The following IMMP2L variants were observed in gnomAD, a reference collection of about 807,000 sequenced individuals.
IMMP2L encodes the protein inner mitochondrial membrane peptidase subunit 2.
IMMP2L carries 18 observed loss-of-function variants against 19.3 expected under a neutral mutation model. The ratio of observed to expected loss-of-function variants is 0.93; its 90% CI spans 0.64 to 1.38. The LOEUF (loss-of-function observed/expected upper bound fraction) is 1.38. Ranked by LOEUF, IMMP2L falls within the 40% of genes most tolerant of loss-of-function variation. The pLI, the probability that IMMP2L is intolerant of heterozygous loss-of-function variation, is 0.00. For synonymous variants in IMMP2L, 76 were observed against 73.0 expected, an observed-to-expected ratio of 1.04 and a Z score of -0.21; for missense variants, 233 against 218.2, an observed-to-expected ratio of 1.07 and a Z score of -0.43.
At position 111,127,263 on chromosome 7, in the gene IMMP2L, T is replaced by G. The variant is rs143800993; in HGVS notation, c.240-163698A>C. Among the ~76,000 whole-genome samples, 43 of 152,246 alleles carry G rather than the reference T, an allele frequency of 2.8e-4. No individual in the cohort carries two copies. The East Asian group carries it at 7.9e-3, about 28-fold the overall frequency. Reference sequence around the variant, plus strand: ...AGAGCTCAGCTATTTGTCAAAAACATAGGAGCCAAAATACAACCTATTAGG... The same window carrying G: ...AGAGCTCAGCTATTTGTCAAAAACAGAGGAGCCAAAATACAACCTATTAGG... On this transcript the variant is annotated intron_variant, in intron 3 of 5. Transcript: ENST00000405709.
At chr7:110,753,499 A>AG (rs1357333067) in intron 5 of IMMP2L, among the ~76,000 whole-genome samples, 2 of 152,072 alleles carry the variant, frequency 1.3e-5, no homozygotes, top group Non-Finnish European at 2.9e-5. Flanking sequence ...TTGTGTATAA[A>AG]GAAGCTCACA....
At chr7:110,943,611 T>C (rs2129553271) in intron 4 of IMMP2L, among the ~76,000 whole-genome samples, 1 of 152,096 alleles carries the variant, frequency 6.6e-6, no homozygotes, top group East Asian at 1.9e-4. Flanking sequence ...GATAGCTTTA[T>C]TCCCTGCAGG....
At chr7:111,335,949 AG>A (rs1394150026) in intron 3 of IMMP2L, among the ~76,000 whole-genome samples, 1 of 152,138 alleles carries the variant, frequency 6.6e-6, no homozygotes, top group Non-Finnish European at 1.5e-5. Context: ...TTGGCTAAAA[AG>A]GGTAAGAACG....
intron 3 of IMMP2L, among the ~76,000 whole-genome samples, chr7:111,085,390 AC>A (rs1192901000): frequency 6.6e-6 from 1 of 152,206 alleles, no homozygotes; most frequent in Non-Finnish European, 1.5e-5. Context: ...CTTTTTCTCC[AC>A]AACCTCGTCA....
intron 3 of IMMP2L, among the ~76,000 whole-genome samples, chr7:111,081,222 A>T (rs931944694): frequency 6.6e-5 from 10 of 152,346 alleles, no homozygotes; most frequent in Middle Eastern, 3.4e-3. Context: ...TTGAGGAAGA[A>T]ATCTGCAAAA....
chr7:111,537,821 G>A (rs542146911), intron 1 of IMMP2L, among the ~76,000 whole-genome samples: 45 of 151,980 alleles, frequency 3.0e-4, no homozygotes, highest in Non-Finnish European at 5.6e-4. Context: ...ACCAGCCACC[G>A]TGCTGGGCCA....
intron 3 of IMMP2L, among the ~76,000 whole-genome samples, chr7:111,293,317 A>G (rs1372140888): frequency 1.3e-5 from 2 of 152,026 alleles, no homozygotes; most frequent in Non-Finnish European, 2.9e-5. Flanking sequence ...TTTGATTCTA[A>G]TGTTTTTAAA....
At chr7:111,504,803 C>T (rs1457292433) in intron 2 of IMMP2L, among the ~76,000 whole-genome samples, 13 of 152,050 alleles carry the variant, frequency 8.5e-5, no homozygotes, top group African/African-American at 2.4e-4. Flanking sequence ...CTTCCTTACA[C>T]CTTATACAAA....
At chr7:110,817,659 A>C (rs1251261675) in intron 5 of IMMP2L, among the ~76,000 whole-genome samples, 4 of 152,158 alleles carry the variant, frequency 2.6e-5, no homozygotes, top group Non-Finnish European at 5.9e-5. Context: ...AGCCAAGTCA[A>C]TCCTAACCCA....
chr7:111,119,619 T>C (rs1420117368), intron 3 of IMMP2L, among the ~76,000 whole-genome samples: 1 of 152,194 alleles, frequency 6.6e-6, no homozygotes, highest in African/African-American at 2.4e-5. Context: ...TTAAAACAGA[T>C]TTACTGAAAT....
intron 3 of IMMP2L, among the ~76,000 whole-genome samples, chr7:111,078,054 T>G (rs1365150267): frequency 6.6e-6 from 1 of 152,234 alleles, no homozygotes; most frequent in African/African-American, 2.4e-5. Context: ...GTTTTAATTT[T>G]TTAATGGTAT....
intron 2 of IMMP2L, among the ~76,000 whole-genome samples, chr7:111,501,239 T>C (rs949674224): frequency 1.2e-4 from 18 of 151,826 alleles, no homozygotes; most frequent in Admixed American, 7.2e-4. Flanking sequence ...GAAGACGAAA[T>C]GAATGAAATG....
chr7:110,874,779 T>G (rs1029604633), intron 5 of IMMP2L, among the ~76,000 whole-genome samples: 2 of 152,036 alleles, frequency 1.3e-5, no homozygotes, highest in African/African-American at 2.4e-5. Context: ...TGCCACAGAT[T>G]GGGTAATTTA....
intron 2 of IMMP2L, among the ~76,000 whole-genome samples, chr7:111,518,506 G>C (rs947267609): frequency 2.0e-5 from 3 of 151,454 alleles, no homozygotes; most frequent in Admixed American, 6.6e-5. Context: ...GTGACTTCCA[G>C]AGATCTCCAC....
chr7:110,994,825 A>G (rs1822867472), intron 3 of IMMP2L, among the ~76,000 whole-genome samples: 1 of 152,170 alleles, frequency 6.6e-6, no homozygotes, highest in Admixed American at 6.6e-5. Flanking sequence ...CTCACAGGAT[A>G]TTGTACAGCA....
intron 3 of IMMP2L, chr7:111,124,077 A>C: frequency 6.2e-7 from 1 of 1,614,022 alleles, no homozygotes; most frequent in Non-Finnish European, 8.5e-7. Context: ...TAAATGTAGA[A>C]GCTGGGAGCT....
chr7:111,100,655 A>C (rs1797874619), intron 3 of IMMP2L, among the ~76,000 whole-genome samples: 1 of 151,244 alleles, frequency 6.6e-6, no homozygotes, highest in Non-Finnish European at 1.5e-5. Flanking sequence ...TTGAAAATGC[A>C]TAGAGCCAAA....
chr7:110,767,799 T>C (rs1476550289), intron 5 of IMMP2L, among the ~76,000 whole-genome samples: 2 of 152,168 alleles, frequency 1.3e-5, no homozygotes, highest in East Asian at 3.9e-4. Flanking sequence ...CAGGAGGGTT[T>C]TTCTAAAGCA....
chr7:110,963,610 G>GT (rs1196617421), intron 3 of IMMP2L, 45 bp from the exon 4 acceptor site: 10 of 1,211,910 alleles, frequency 8.3e-6, no homozygotes, highest in Non-Finnish European at 1.2e-5. Context: ...TGTCTATGTT[G>GT]TTTTAGGAAG....
Sources: allele counts gnomAD v4.1 joint callset (sites outside exome capture counted in the v4.1 genomes callset), GRCh38; gene constraint gnomAD v4.1.1; transcripts MANE v1.5; gene names NCBI Gene and HGNC (gene_info 2026-07-23, HGNC 2026-07-21).